Variants in CERT1 observed in about 807,000 individuals in gnomAD.
CERT1 encodes the protein ceramide transfer protein.
A neutral mutation model predicts 87.9 loss-of-function variants in CERT1; 31 were observed. The observed-to-expected ratio is 0.35, with a 90% CI of 0.27 to 0.48. CERT1 has a LOEUF of 0.48. Ranked by LOEUF, CERT1 falls within the 20% of genes least tolerant of loss-of-function variation. The pLI is 0.99. For missense variants in CERT1, 487 were observed against 758.0 expected (o/e 0.64, Z 4.20); for synonymous variants, 289 against 250.9 (o/e 1.15, Z -1.44).
intron 2 of CERT1, among the ~76,000 whole-genome samples, chr5:75,465,804 G>C (rs1765430965): frequency 6.6e-6 from 1 of 152,148 alleles, no homozygotes; most frequent in South Asian, 2.1e-4. Flanking sequence ...TCTCTGTATT[G>C]GTCCTGTTAT....
At chr5:75,467,647 AAAG>A (rs1765517408) in intron 2 of CERT1, among the ~76,000 whole-genome samples, 1 of 108,276 alleles carries the variant, frequency 9.2e-6, no homozygotes, top group Non-Finnish European at 1.9e-5. Context: ...TCTCCAAAAA[AAAG>A]AAAAAAAAAA....
chr5:75,508,083 A>G (rs1468751632), intron 1 of CERT1, among the ~76,000 whole-genome samples: 1 of 152,136 alleles, frequency 6.6e-6, no homozygotes, highest in Non-Finnish European at 1.5e-5. Context: ...GATCGTATTG[A>G]GTCTCTAGCT....
chr5:75,438,429 A>C (rs1347118646), intron 3 of CERT1, among the ~76,000 whole-genome samples: 1 of 152,164 alleles, frequency 6.6e-6, no homozygotes, highest in Non-Finnish European at 1.5e-5. Context: ...AAATGAGAAG[A>C]AATTACTCAG....
At chr5:75,402,928 T>G (rs2112092849) in intron 9 of CERT1, 44 bp downstream of exon 9, 1 of 1,153,300 alleles carries the variant, frequency 8.7e-7, no homozygotes, top group Non-Finnish European at 1.3e-6. Context: ...ATGCCTATAG[T>G]GTTAAAATAA....
At chr5:75,484,823 A>C (rs1766432173) in intron 2 of CERT1, among the ~76,000 whole-genome samples, 1 of 152,180 alleles carries the variant, frequency 6.6e-6, no homozygotes, top group African/African-American at 2.4e-5. Context: ...CATTTCAGAC[A>C]GAAAATCAAG....
At chr5:75,502,876 A>C (rs1412959730) in intron 2 of CERT1, among the ~76,000 whole-genome samples, 1 of 152,088 alleles carries the variant, frequency 6.6e-6, no homozygotes, top group East Asian at 1.9e-4. Flanking sequence ...ATTTTGTAGC[A>C]GGGGCTGGGT....
At position 75,508,251 on chromosome 5, in the gene CERT1, T is replaced by G. The variant is rs1345090119; in HGVS notation, c.97-2135A>C. Among the ~76,000 whole-genome samples, 4 of 151,840 alleles carry G rather than the reference T, an allele frequency of 2.6e-5. No homozygotes were observed. The East Asian group carries it at 7.7e-4, about 29-fold the overall frequency. ...AAGTTACTTATTCTCTTTGTGTTCT[T>G]TTTTTCTTTGTCAAATTCTCTTAGA... On this transcript the variant is annotated intron_variant, in intron 1 of 16. Coordinates refer to ENST00000643780, the MANE Select transcript of CERT1 (RefSeq NM_001379029.1).
rs144119048 is a variant in CERT1, at chr5:75,461,026, T to C, written c.232-1845A>G. ...AGCGATAACGTCCAACATTCATAAA[T>C]AATGATCATAAATTTAACTGAATTA... On this transcript the variant is annotated intron_variant, in intron 2 of 16. Transcript: ENST00000643780. Among the ~76,000 whole-genome samples the C allele has an allele frequency of 3.3e-5, 5 of 152,340 alleles. No homozygotes were observed. The East Asian group carries it at 7.7e-4, about 23-fold the overall frequency.
chr5:75,459,251 A>G, intron 2 of CERT1, 70 bp from the exon 3 acceptor site: 1 of 862,698 alleles, frequency 1.2e-6, no homozygotes, highest in South Asian at 1.4e-5. Context: ...CCCCAAAGCC[A>G]AAACATGAAC....
chr5:75,490,709 A>T (rs1766748850), intron 2 of CERT1, among the ~76,000 whole-genome samples: 2 of 152,124 alleles, frequency 1.3e-5, no homozygotes, highest in African/African-American at 4.8e-5. Context: ...CATGTTAGCC[A>T]GGATGGTCTC....
intron 2 of CERT1, among the ~76,000 whole-genome samples, chr5:75,476,414 C>T (rs1386909818): frequency 6.6e-6 from 1 of 152,060 alleles, no homozygotes; most frequent in Non-Finnish European, 1.5e-5. Context: ...CATGTCACTC[C>T]TCTGTTCAAA....
chr5:75,497,857 A>G (rs1348224032), intron 2 of CERT1, among the ~76,000 whole-genome samples: 1 of 152,204 alleles, frequency 6.6e-6, no homozygotes, highest in Non-Finnish European at 1.5e-5. Context: ...ATGTGGAAGC[A>G]ACTCTGGAAT....
chr5:75,490,644 G>T (rs1039278422), intron 2 of CERT1, among the ~76,000 whole-genome samples: 1 of 151,794 alleles, frequency 6.6e-6, no homozygotes, highest in Non-Finnish European at 1.5e-5. Flanking sequence ...GACTACAGGC[G>T]CCCACCACCA....
At chr5:75,471,858 T>C (rs1239981561) in intron 2 of CERT1, among the ~76,000 whole-genome samples, 1 of 150,136 alleles carries the variant, frequency 6.7e-6, no homozygotes, top group African/African-American at 2.5e-5. Context: ...CCCAAAGCAA[T>C]CTACAGATTC....
chr5:75,431,089 ATACATGTGGAGGTTTAT>A (rs1294383197), intron 3 of CERT1, among the ~76,000 whole-genome samples: 2 of 152,192 alleles, frequency 1.3e-5, no homozygotes, highest in African/African-American at 4.8e-5. Flanking sequence ...GGTTCAGGCA[ATACATGTGGAGGTTTAT>A]TACATGGGTA....
At chr5:75,451,556 G>A (rs1185439865) in intron 3 of CERT1, among the ~76,000 whole-genome samples, 1 of 152,084 alleles carries the variant, frequency 6.6e-6, no homozygotes, top group African/African-American at 2.4e-5. Context: ...TGTTATATTT[G>A]CATTCTTAAA....
At chr5:75,447,465 TA>T (rs1764594673) in intron 3 of CERT1, among the ~76,000 whole-genome samples, 1 of 151,102 alleles carries the variant, frequency 6.6e-6, no homozygotes. Flanking sequence ...TTTATTTATT[TA>T]TTTATTTATT....
intron 7 of CERT1, among the ~76,000 whole-genome samples, chr5:75,414,600 A>G (rs1763065749): frequency 6.6e-6 from 1 of 152,160 alleles, no homozygotes; most frequent in Non-Finnish European, 1.5e-5. Flanking sequence ...GTTTTCCTGG[A>G]CATGACTGGC....
intron 3 of CERT1, among the ~76,000 whole-genome samples, chr5:75,439,985 G>A (rs1334637003): frequency 1.3e-5 from 2 of 152,006 alleles, no homozygotes; most frequent in African/African-American, 4.8e-5. Context: ...ATGTGCTTTT[G>A]AATCACTGTA....
Sources: allele counts gnomAD v4.1 joint callset (sites outside exome capture counted in the v4.1 genomes callset), GRCh38; gene constraint gnomAD v4.1.1; transcripts MANE v1.5; gene names NCBI Gene and HGNC (gene_info 2026-07-23, HGNC 2026-07-21).